STAM: variants seen among roughly 807,000 people sequenced by gnomAD.
STAM encodes signal transducing adapter molecule 1.
In STAM, 16 loss-of-function variants were observed where a neutral mutation model predicts 63.4. That is an observed-to-expected ratio of 0.25 (90% confidence interval 0.17 to 0.38). The LOEUF (loss-of-function observed/expected upper bound fraction) is 0.38, where lower values mean the gene tolerates loss of function less well. Among genes scored for constraint, STAM ranks in the 10% least tolerant of loss-of-function variants. The pLI is 1.00. For missense variants in STAM, 636 were observed against 657.1 expected, an observed-to-expected ratio of 0.97 and a Z score of 0.35; for synonymous variants, 238 against 223.9, an observed-to-expected ratio of 1.06 and a Z score of -0.56.
intron 4 of STAM, among the ~76,000 whole-genome samples, chr10:17,686,179 A>G (rs1231575072): frequency 1.3e-5 from 2 of 152,140 alleles, no homozygotes; most frequent in Non-Finnish European, 2.9e-5. Flanking sequence ...CTGAATGTCC[A>G]TCGAGATTAC....
rs917760598 is a variant in STAM at position 17,644,216 on chromosome 10, C to T, written c.-124C>T. ...GGGGTTGGGTGAGAGGAGGAGCTGT[C>T]GCGGACCCTGTAGAGTCGGTCTCTG... is the stretch of plus-strand genomic sequence containing the variant. On this transcript the variant is annotated 5_prime_UTR_variant, in exon 1 of 14. Transcript: ENST00000377524. 1.4e-5 allele frequency: 15 copies of T among 1,060,866 alleles called. No individual in the cohort carries two copies. The highest frequency in any genetic ancestry group is 3.1e-5 in the African/African-American group (2 of 63,626). The allele number at this position is 1,060,866 out of a possible 1,614,324, so 65.7% of individuals were successfully genotyped here. A position where few individuals can be genotyped will look rare whatever the true frequency, so the allele number is the denominator to read the frequency against.
At chr10:17,647,112 A>C (rs1204426867) in intron 1 of STAM, among the ~76,000 whole-genome samples, 2 of 152,196 alleles carry the variant, frequency 1.3e-5, no homozygotes, top group African/African-American at 4.8e-5. Flanking sequence ...TGATTTTTTC[A>C]CTGCCGTATC....
chr10:17,653,274 C>A (rs1833810429), intron 1 of STAM, among the ~76,000 whole-genome samples: 1 of 152,160 alleles, frequency 6.6e-6, no homozygotes, highest in African/African-American at 2.4e-5. Context: ...CACTGAAAAA[C>A]CGAATATTCC....
At chr10:17,659,934 C>A (rs1002353400) in intron 1 of STAM, among the ~76,000 whole-genome samples, 1 of 151,968 alleles carries the variant, frequency 6.6e-6, no homozygotes, top group African/African-American at 2.4e-5. Context: ...AGAATAATTT[C>A]TTAGGATAAA....
chr10:17,647,408 A>G (rs1336224350), intron 1 of STAM, among the ~76,000 whole-genome samples: 1 of 151,986 alleles, frequency 6.6e-6, no homozygotes, highest in Admixed American at 6.6e-5. Context: ...CTCATTTTCT[A>G]CTTAGCTCCT....
At chr10:17,686,376 G>A (rs1232364572) in intron 4 of STAM, among the ~76,000 whole-genome samples, 2 of 143,444 alleles carry the variant, frequency 1.4e-5, no homozygotes, top group Non-Finnish European at 3.1e-5. Context: ...ATAACATCCC[G>A]CCTTTTTTTT....
At chr10:17,672,926 T>C (rs1834700578) in intron 2 of STAM, 4 of 550,398 alleles carry the variant, frequency 7.3e-6, no homozygotes, top group Non-Finnish European at 9.2e-6. Context: ...CCTTTCCCTG[T>C]TCTTTGTCCC....
chr10:17,665,846 A>G (rs1292860956), intron 2 of STAM, among the ~76,000 whole-genome samples: 6 of 152,124 alleles, frequency 3.9e-5, no homozygotes, highest in African/African-American at 1.4e-4. Context: ...ATTTTTTTCT[A>G]ACGTCTCAAG....
intron 2 of STAM, among the ~76,000 whole-genome samples, chr10:17,679,227 G>T (rs1834980625): frequency 6.6e-6 from 1 of 151,988 alleles, no homozygotes. Flanking sequence ...CCAATATTTG[G>T]TATCTTTCCT....
At position 17,704,498 on chromosome 10, in the gene STAM, C is replaced by T. The variant is rs1554828958; in HGVS notation, c.980C>T (p.Pro327Leu). The change falls in exon 10 of 14, where the codon CCA (proline) becomes CTA (leucine). Residue 327 changes from proline (P) to leucine (L), a missense_variant. Physicochemically the swap from Pro to Leu is moderately conservative, Grantham distance 98. Transcript: ENST00000377524. ...TDPSDDQPDL[P>L]ELLHLEAMCH... is the part of the protein sequence containing the mutation. ...CCCAGTGATGATCAGCCAGACCTAC[C>T]AGAGCTGCTTCATCTTGAAGGTAAA... 1 of 1,614,036 alleles carries T rather than the reference C, an allele frequency of 6.2e-7. No individual in the cohort carries two copies. Among genetic ancestry groups the T allele is most frequent in the Admixed American group, 1.7e-5 (1 of 60,012 alleles).
intron 8 of STAM, 103 bp downstream of exon 8, chr10:17,696,972 T>A: frequency 1.2e-6 from 1 of 861,058 alleles, no homozygotes; most frequent in Non-Finnish European, 1.9e-6. Flanking sequence ...CAGGCTGGAG[T>A]GCAGTGGTGC....
intron 1 of STAM, among the ~76,000 whole-genome samples, chr10:17,649,598 G>A (rs1322317657): frequency 6.6e-6 from 1 of 151,932 alleles, no homozygotes; most frequent in Non-Finnish European, 1.5e-5. Flanking sequence ...TACATAGAAA[G>A]CACTCAAGAA....
At chr10:17,696,392 C>G (rs1554827484) in intron 7 of STAM, among the ~76,000 whole-genome samples, 2 of 152,080 alleles carry the variant, frequency 1.3e-5, no homozygotes, top group African/African-American at 4.8e-5. Context: ...TGCTGTGTAC[C>G]AGAAAGAGCA....
At chr10:17,714,240 A>G (rs535300639) in intron 13 of STAM, among the ~76,000 whole-genome samples, 6 of 152,162 alleles carry the variant, frequency 3.9e-5, no homozygotes, top group Admixed American at 3.9e-4. Context: ...GACACACGAT[A>G]CATGTGTTTG....
chr10:17,666,387 A>ATTTTTTTTT (rs10673746), intron 2 of STAM, among the ~76,000 whole-genome samples: 20 of 85,912 alleles, frequency 2.3e-4, no homozygotes, highest in African/African-American at 8.5e-4. Flanking sequence ...TTGGCTTTGT[A>ATTTTTTTTT]TTTTTTTTTT....
intron 5 of STAM, among the ~76,000 whole-genome samples, chr10:17,689,146 T>G (rs1554826462): frequency 1.3e-5 from 2 of 152,258 alleles, no homozygotes; most frequent in Non-Finnish European, 2.9e-5. Context: ...GAAATGTCTT[T>G]TTTATTCCTA....
At chr10:17,707,478 A>C (rs1017598169) in intron 12 of STAM, among the ~76,000 whole-genome samples, 4 of 151,984 alleles carry the variant, frequency 2.6e-5, no homozygotes, top group Non-Finnish European at 5.9e-5. Flanking sequence ...TTTCCATGTA[A>C]AGTGGGCACG....
intron 1 of STAM, among the ~76,000 whole-genome samples, chr10:17,656,292 T>TC (rs1554822139): frequency 0.01 from 1,403 of 134,426 alleles, 33 homozygotes; most frequent in African/African-American, 0.038. Flanking sequence ...AGACTCCGTC[T>TC]TAAAAAAAAA....
intron 10 of STAM, 28 bp downstream of exon 10, chr10:17,704,546 T>TA (rs1554828973): frequency 6.3e-7 from 1 of 1,577,866 alleles, no homozygotes; most frequent in Admixed American, 1.7e-5. Flanking sequence ...ACCTTGCAAA[T>TA]AAAGAGTAGT....
Sources: allele counts gnomAD v4.1 joint callset (sites outside exome capture counted in the v4.1 genomes callset), GRCh38; gene constraint gnomAD v4.1.1; transcripts MANE v1.5; gene names NCBI Gene and HGNC (gene_info 2026-07-23, HGNC 2026-07-21).